The following AMPH variants were observed in gnomAD, a reference collection of about 807,000 sequenced individuals.
AMPH encodes amphiphysin.
A neutral mutation model predicts 99.1 loss-of-function variants in AMPH; 49 were observed. The ratio of observed to expected loss-of-function variants is 0.49; its 90% confidence interval spans 0.39 to 0.63. The LOEUF is 0.63. AMPH is among the 20% of genes least tolerant of loss of function. AMPH has a pLI of 0.00. For missense variants in AMPH, 759 were observed against 863.4 expected (o/e 0.88, Z 1.52); for synonymous variants, 314 against 317.3 (o/e 0.99, Z 0.11).
At chr7:38,389,717 G>T in intron 20 of AMPH, 87 bp downstream of exon 20, 2 of 1,036,286 alleles carry the variant, frequency 1.9e-6, no homozygotes, top group Non-Finnish European at 1.5e-6. Context: ...TCAGAAAATA[G>T]AAACATCTTT....
chr7:38,527,710 T>C (rs1234991243), intron 2 of AMPH, among the ~76,000 whole-genome samples: 1 of 152,206 alleles, frequency 6.6e-6, no homozygotes, highest in Non-Finnish European at 1.5e-5. Context: ...AATTTCTTTA[T>C]GAGCTATACG....
At chr7:38,586,900 G>A (rs1357998923) in intron 1 of AMPH, among the ~76,000 whole-genome samples, 1 of 152,180 alleles carries the variant, frequency 6.6e-6, no homozygotes, top group Non-Finnish European at 1.5e-5. Flanking sequence ...GGCTTGTTCA[G>A]CAGAGTCTAG....
intron 11 of AMPH, among the ~76,000 whole-genome samples, chr7:38,459,727 A>G (rs1360044888): frequency 6.6e-6 from 1 of 152,102 alleles, no homozygotes; most frequent in Non-Finnish European, 1.5e-5. Context: ...ATAAGACCCA[A>G]AACTATAAAA....
At chr7:38,398,143 T>A (rs1331257361) in intron 17 of AMPH, among the ~76,000 whole-genome samples, 7 of 109,496 alleles carry the variant, frequency 6.4e-5, no homozygotes, top group African/African-American at 1.8e-4. Context: ...AAAGTAGAGA[T>A]ACCATATGAT....
chr7:38,494,493 C>T lies in AMPH; in HGVS notation c.240G>A (p.Ser80=), dbSNP rs773721004. ...MQEASMKLTE[S]LHEVYEPDWY... ...AGTCAGGCTCATAGACTTCATGCAGCGACTCTGTGAGCTTCATGGAGGCCT... is the reference window on the plus strand; with the variant it reads ...AGTCAGGCTCATAGACTTCATGCAGTGACTCTGTGAGCTTCATGGAGGCCT... The change falls in exon 4 of 21, where the codon TCG becomes TCA. Residue 80 remains serine, a synonymous_variant. Transcript: ENST00000356264. 29 of 1,613,802 alleles carry T rather than the reference C, an allele frequency of 1.8e-5. No individual in the cohort carries two copies. Among genetic ancestry groups the T allele is most frequent in the Middle Eastern group, 1.6e-4 (1 of 6,082 alleles).
At chr7:38,563,521 G>T (rs924762374) in intron 1 of AMPH, among the ~76,000 whole-genome samples, 1 of 152,144 alleles carries the variant, frequency 6.6e-6, no homozygotes, top group Non-Finnish European at 1.5e-5. Context: ...ATTGGGTTTT[G>T]AGTCTAAGAA....
chr7:38,472,475 A>C (rs1300792118), intron 7 of AMPH, among the ~76,000 whole-genome samples: 1 of 152,192 alleles, frequency 6.6e-6, no homozygotes, highest in African/African-American at 2.4e-5. Flanking sequence ...TATTTAATTA[A>C]TATGATCTTT....
At chr7:38,610,394 A>T (rs1298724632) in intron 1 of AMPH, among the ~76,000 whole-genome samples, 2 of 142,524 alleles carry the variant, frequency 1.4e-5, no homozygotes, top group African/African-American at 2.6e-5. Flanking sequence ...AAAAGAAAAG[A>T]AAAGAAAAGA....
At chr7:38,426,414 A>G (rs1235734986) in intron 15 of AMPH, among the ~76,000 whole-genome samples, 1 of 152,256 alleles carries the variant, frequency 6.6e-6, no homozygotes, top group Non-Finnish European at 1.5e-5. Flanking sequence ...GGACACAACC[A>G]GCCTATGGTT....
chr7:38,423,218 A>G (rs2128989658), intron 15 of AMPH, among the ~76,000 whole-genome samples: 1 of 152,344 alleles, frequency 6.6e-6, no homozygotes, highest in South Asian at 2.1e-4. Context: ...TGGGTTATGT[A>G]TGAACCATAT....
At chr7:38,541,176 T>C (rs1217243179) in intron 1 of AMPH, among the ~76,000 whole-genome samples, 1 of 152,026 alleles carries the variant, frequency 6.6e-6, no homozygotes, top group Non-Finnish European at 1.5e-5. Context: ...AGATGATTCA[T>C]TCATTCATCA....
chr7:38,436,392 T>C lies in AMPH; in HGVS notation c.1018-4A>G, dbSNP rs756959849. 6.2e-7 allele frequency: 1 copy of C among 1,610,090 alleles called. No individual in the cohort carries two copies. Among genetic ancestry groups the C allele is most frequent in the East Asian group, 2.2e-5 (1 of 44,860 alleles). ...TCTTCACCTCAGGGACTTCATTCTG[T>C]TAAAGCAAACAACAAAACAAAATAA... On this transcript the variant is annotated splice_polypyrimidine_tract_variant and splice_region_variant and intron_variant, in intron 11 of 20. Transcript: ENST00000356264.
At chr7:38,455,196 G>A (rs1005494836) in intron 11 of AMPH, among the ~76,000 whole-genome samples, 11 of 151,828 alleles carry the variant, frequency 7.2e-5, no homozygotes, top group East Asian at 3.9e-4. Flanking sequence ...TCAGCCTTCC[G>A]AGTAGCTGGG....
chr7:38,501,283 C>T (rs938218338), intron 3 of AMPH, among the ~76,000 whole-genome samples: 5 of 152,144 alleles, frequency 3.3e-5, no homozygotes, highest in Admixed American at 2.0e-4. Flanking sequence ...CTTCACCTCC[C>T]GGGTTCAAGC....
In AMPH at chr7:38,631,361, T is replaced by C; in HGVS notation, c.-10A>G. On this transcript the variant is annotated 5_prime_UTR_variant, in exon 1 of 21. Transcript: ENST00000356264. ...TCTTGATGTCGGCCATGGCTGCGGG[T>C]CCGGGGAGCTGCGAAGAGCAGAGCG... 2 of 1,540,178 alleles carry C rather than the reference T, an allele frequency of 1.3e-6. No individual in the cohort carries two copies. The highest frequency in any genetic ancestry group is 1.7e-6 in the Non-Finnish European group (2 of 1,144,426).
At chr7:38,628,311 T>A (rs1794330148) in intron 1 of AMPH, among the ~76,000 whole-genome samples, 1 of 152,246 alleles carries the variant, frequency 6.6e-6, no homozygotes, top group South Asian at 2.1e-4. Flanking sequence ...GGACTGCTGA[T>A]GAGAATGTAA....
At chr7:38,534,856 G>T in intron 2 of AMPH, 75 bp downstream of exon 2, 3 of 1,250,796 alleles carry the variant, frequency 2.4e-6, no homozygotes, top group Admixed American at 1.9e-5. Flanking sequence ...TAATCTTAAT[G>T]CATTTTACTT....
chr7:38,464,051 A>C, intron 9 of AMPH: 1 of 1,289,318 alleles, frequency 7.8e-7, no homozygotes, highest in Non-Finnish European at 1.0e-6. Context: ...ACATAGCCCC[A>C]ATCTAAGCTT....
At chr7:38,401,441 T>C (rs770545635) in intron 17 of AMPH, among the ~76,000 whole-genome samples, 2 of 152,240 alleles carry the variant, frequency 1.3e-5, no homozygotes, top group Non-Finnish European at 2.9e-5. Context: ...ATTTGAGTCA[T>C]CTTCCAGTCA....
Sources: gnomAD v4.1 joint callset for allele counts (sites outside exome capture counted in the v4.1 genomes callset) on GRCh38, gnomAD v4.1.1 for gene constraint, MANE v1.5 for transcripts, NCBI Gene and HGNC (gene_info 2026-07-23, HGNC 2026-07-21) for gene names.